The following ROPN1L variants were observed in gnomAD, a reference collection of about 807,000 sequenced individuals.
The protein encoded by ROPN1L is rhophilin associated tail protein 1 like, also known as ropporin-1-like protein.
In ROPN1L, 23 loss-of-function variants were observed where a neutral mutation model predicts 22.7. That is an observed-to-expected ratio of 1.01 (90% CI 0.73 to 1.43). ROPN1L has a LOEUF of 1.43. Among genes scored for constraint, ROPN1L ranks in the 40% most tolerant of loss-of-function variants. The probability of loss-of-function intolerance (pLI) is 0.00; values close to 1 mark genes in which losing one functional copy is unlikely to be tolerated. For synonymous variants in ROPN1L, 116 were observed against 117.8 expected (o/e 0.98, Z 0.10); for missense variants, 271 against 291.5 (o/e 0.93, Z 0.51).
At chr5:10,460,301 T>A (rs887521326) in intron 3 of ROPN1L, among the ~76,000 whole-genome samples, 8 of 152,204 alleles carry the variant, frequency 5.3e-5, no homozygotes, top group Non-Finnish European at 7.3e-5. Flanking sequence ...TCAACAAGGA[T>A]GAATTGAGCA....
downstream of ROPN1L, among the ~76,000 whole-genome samples, chr5:10,472,228 G>A (rs1418186997): frequency 1.3e-5 from 2 of 151,542 alleles, no homozygotes; most frequent in African/African-American, 4.9e-5. Context: ...CATCAACCGT[G>A]CATTTATTAT....
chr5:10,458,483 A>G (rs1308033333), intron 3 of ROPN1L, among the ~76,000 whole-genome samples: 2 of 59,314 alleles, frequency 3.4e-5, no homozygotes, highest in African/African-American at 1.5e-4. Context: ...TGTGTACACC[A>G]TCCCGCTGTG....
intron 3 of ROPN1L, among the ~76,000 whole-genome samples, chr5:10,460,618 C>T (rs1735001835): frequency 6.6e-6 from 1 of 152,252 alleles, no homozygotes; most frequent in Non-Finnish European, 1.5e-5. Flanking sequence ...GGTTGCTGTT[C>T]TGGAGCTGAG....
At position 10,461,058 on chromosome 5, in the gene ROPN1L, G is replaced by C. The variant is rs890236527; in HGVS notation, c.418-126G>C. On this transcript the variant is annotated intron_variant, in intron 3 of 4. Transcript: ENST00000274134. ...ATTCACCTAGTTCTCAGTTCAGATG[G>C]AGCACATACTTTTTGGAGAATTTCT... 8 of 788,446 alleles carry C rather than the reference G, an allele frequency of 1.0e-5. No homozygotes were observed. In the African/African-American group the frequency reaches 1.0e-4, roughly 10 times the overall value. 48.8% of individuals were successfully genotyped at this position (788,446 alleles called of 1,614,324 possible).
At chr5:10,464,279 G>C (rs147077723) in intron 4 of ROPN1L, among the ~76,000 whole-genome samples, 253 of 152,196 alleles carry the variant, frequency 1.7e-3, no homozygotes, top group African/African-American at 5.9e-3. Context: ...CATCCCTTCT[G>C]TCCGCCTTAT....
chr5:10,457,724 G>T (rs1734872948), intron 3 of ROPN1L, among the ~76,000 whole-genome samples: 1 of 152,190 alleles, frequency 6.6e-6, no homozygotes, highest in African/African-American at 2.4e-5. Flanking sequence ...AGGATGTGGG[G>T]TTTATTCCTG....
chr5:10,463,927 C>T (rs1379990378), intron 4 of ROPN1L, among the ~76,000 whole-genome samples: 1 of 152,188 alleles, frequency 6.6e-6, no homozygotes, highest in Admixed American at 6.5e-5. Context: ...CTGTCATCAC[C>T]ACCCAGAGTC....
chr5:10,455,294 A>G (rs760968523), intron 3 of ROPN1L, among the ~76,000 whole-genome samples: 4 of 152,198 alleles, frequency 2.6e-5, no homozygotes, highest in Admixed American at 2.0e-4. Flanking sequence ...TAGGGCTCGA[A>G]AGCCCATTCG....
At chr5:10,449,752 AT>A (rs1191477550) in intron 2 of ROPN1L, among the ~76,000 whole-genome samples, 199 bp from the exon 3 acceptor site, 1 of 151,988 alleles carries the variant, frequency 6.6e-6, no homozygotes, top group African/African-American at 2.4e-5. Context: ...TCCTTTTTTC[AT>A]TTAATAAATA....
intron 3 of ROPN1L, 32 bp from the exon 4 acceptor site, chr5:10,461,152 T>G: frequency 6.3e-7 from 1 of 1,590,774 alleles, no homozygotes; most frequent in Non-Finnish European, 8.6e-7. Context: ...GGAGTAACTG[T>G]TTTTCTCCCC....
chr5:10,465,083 G>T, downstream of ROPN1L: 1 of 479,934 alleles, frequency 2.1e-6, no homozygotes, highest in South Asian at 4.8e-5. Context: ...TGCTTCGTGG[G>T]GCCTGATTCA....
the ROPN1L span, among the ~76,000 whole-genome samples, chr5:10,477,330 G>GGTCCACGGACTTGCTA: frequency 6.6e-6 from 1 of 152,156 alleles, no homozygotes; most frequent in South Asian, 2.1e-4. Flanking sequence ...TCCATGTCCT[G>GGTCCACGGACTTGCTA]GTCCACGGAC....
chr5:10,449,891 C>G, intron 2 of ROPN1L, 61 bp from the exon 3 acceptor site: 1 of 1,416,920 alleles, frequency 7.1e-7, no homozygotes, highest in Non-Finnish European at 9.8e-7. Context: ...ATATTCACAG[C>G]ATTCATTGTT....
downstream of ROPN1L, among the ~76,000 whole-genome samples, chr5:10,476,260 C>G (rs1455177107): frequency 6.6e-6 from 1 of 152,230 alleles, no homozygotes; most frequent in East Asian, 1.9e-4. Context: ...CCAGACCCCT[C>G]TATGTGTTGC....
In ROPN1L at chr5:10,442,100, G is replaced by A; in HGVS notation, c.-68G>A. On this transcript the variant is annotated 5_prime_UTR_variant, in exon 1 of 5. The change abolishes the stop of an existing upstream ORF in the 5' untranslated region. Transcript: ENST00000274134. ...CTGCTAGCGGGTCCACCGCGTCGTA[G>A]CCGACAGCCGCCCTTCTTCCTCGCA... is the stretch of plus-strand genomic sequence containing the variant. 6.4e-7 allele frequency: 1 copy of A among 1,564,966 alleles called. No individual in the cohort carries two copies. Among genetic ancestry groups the A allele is most frequent in the South Asian group, 1.2e-5 (1 of 85,588 alleles).
At chr5:10,471,421 G>A (rs1310304590) in intron 4 of ROPN1L, among the ~76,000 whole-genome samples, 1 of 152,098 alleles carries the variant, frequency 6.6e-6, no homozygotes, top group Non-Finnish European at 1.5e-5. Flanking sequence ...GTGCTGGGAT[G>A]ACAGGCGTGA....
chr5:10,452,309 GTGTGTC>G (rs1246667555), intron 3 of ROPN1L, among the ~76,000 whole-genome samples: 15 of 141,734 alleles, frequency 1.1e-4, no homozygotes, highest in African/African-American at 3.0e-4. Context: ...GTGTGTGTGT[GTGTGTC>G]TGTGTGTGTG....
intron 1 of ROPN1L, among the ~76,000 whole-genome samples, chr5:10,446,394 C>T (rs147215749): frequency 2.0e-4 from 30 of 152,296 alleles, no homozygotes; most frequent in African/African-American, 7.0e-4. Flanking sequence ...TGCGGTGGCT[C>T]ACGCCTGTAA....
chr5:10,451,287 AC>A (rs933388280), intron 3 of ROPN1L, among the ~76,000 whole-genome samples: 2 of 152,170 alleles, frequency 1.3e-5, no homozygotes, highest in Admixed American at 1.3e-4. Context: ...CCGCAAGGCT[AC>A]CCAATGTGGC....
Sources: gnomAD v4.1 joint callset for allele counts (sites outside exome capture counted in the v4.1 genomes callset) on GRCh38, gnomAD v4.1.1 for gene constraint, MANE v1.5 for transcripts, NCBI Gene and HGNC (gene_info 2026-07-23, HGNC 2026-07-21) for gene names.